GPC6: variants seen among roughly 807,000 people sequenced by gnomAD.
GPC6 encodes glypican 6, also known as glypican-6.
Under a neutral mutation model 55.2 loss-of-function variants are expected in GPC6, and 14 were observed. That is an observed-to-expected ratio of 0.25 (90% CI 0.17 to 0.40). The LOEUF is 0.40. Among genes scored for constraint, GPC6 ranks in the 10% least tolerant of loss-of-function variants. The pLI, the probability that GPC6 is intolerant of heterozygous loss-of-function variation, is 1.00. For missense variants in GPC6, 641 were observed against 708.5 expected (o/e 0.90, Z 1.08); for synonymous variants, 278 against 259.6 (o/e 1.07, Z -0.68).
chr13:93,764,053 T>C (rs1467226825), intron 2 of GPC6, among the ~76,000 whole-genome samples: 1 of 152,158 alleles, frequency 6.6e-6, no homozygotes, highest in East Asian at 1.9e-4. Context: ...GGTACCTCCC[T>C]GCCAATCACC....
chr13:94,085,622 A>G (rs1452969042), intron 4 of GPC6, among the ~76,000 whole-genome samples: 2 of 152,160 alleles, frequency 1.3e-5, no homozygotes, highest in Non-Finnish European at 2.9e-5. Context: ...AACTTCTTAC[A>G]AATACGATTA....
At chr13:93,721,635 G>A (rs1883458144) in intron 2 of GPC6, among the ~76,000 whole-genome samples, 1 of 151,774 alleles carries the variant, frequency 6.6e-6, no homozygotes, top group Admixed American at 6.6e-5. Flanking sequence ...ACAGTTGCAA[G>A]AAAGCCACAC....
At chr13:93,603,977 A>G (rs1412137783) in intron 2 of GPC6, among the ~76,000 whole-genome samples, 1 of 152,260 alleles carries the variant, frequency 6.6e-6, no homozygotes, top group African/African-American at 2.4e-5. Context: ...TGGCAGGAGA[A>G]TACAGACAAA....
chr13:93,313,075 T>G (rs1879128420), intron 1 of GPC6, among the ~76,000 whole-genome samples: 1 of 152,184 alleles, frequency 6.6e-6, no homozygotes, highest in Non-Finnish European at 1.5e-5. Flanking sequence ...TAACTCTATG[T>G]TTTGGAAGGC....
chr13:93,695,737 AAGCTTTTTCAAG>A (rs1383128160), intron 2 of GPC6, among the ~76,000 whole-genome samples: 2 of 152,088 alleles, frequency 1.3e-5, no homozygotes, highest in African/African-American at 4.8e-5. Context: ...TAATCAACTC[AAGCTTTTTCAAG>A]CTATGTCAAA....
intron 2 of GPC6, among the ~76,000 whole-genome samples, chr13:93,820,671 G>A (rs1363261396): frequency 6.9e-6 from 1 of 144,716 alleles, no homozygotes; most frequent in Admixed American, 6.9e-5. Flanking sequence ...TCAAAGTAGG[G>A]TTTTTTTTTT....
chr13:93,340,369 C>T (rs760365725), intron 1 of GPC6, among the ~76,000 whole-genome samples: 7 of 152,062 alleles, frequency 4.6e-5, no homozygotes, highest in African/African-American at 1.2e-4. Flanking sequence ...TTATGTGTTG[C>T]GCATTTTCAA....
In GPC6 at chr13:93,676,127, ATATATATATATATATATATATATAT is replaced by A. The variant is rs1489614695; in HGVS notation, c.319+130707_319+130731del. ...CTACTAAAAAAAAAAAAAAAAAAAA[ATATATATATATATATATATATATAT>A]ATATATATATATATATACATACACA... On this transcript the variant is annotated intron_variant, in intron 2 of 8. Transcript: ENST00000377047. Among the ~76,000 whole-genome samples, 63 of 10,672 alleles carry A rather than the reference ATATATATATATATATATATATATAT, an allele frequency of 5.9e-3. 1 individual carries two copies. The highest frequency in any genetic ancestry group is 0.014 in the Non-Finnish European group (52 of 3,668). 7.0% of individuals were successfully genotyped at this position (10,672 alleles called of 152,430 possible).
chr13:94,283,779 A>G (rs955598173), intron 4 of GPC6, among the ~76,000 whole-genome samples: 3 of 152,362 alleles, frequency 2.0e-5, no homozygotes, highest in African/African-American at 7.2e-5. Flanking sequence ...ACATACTGTA[A>G]CTGTCCTGGT....
intron 1 of GPC6, among the ~76,000 whole-genome samples, chr13:93,261,260 CT>C: frequency 6.6e-6 from 1 of 152,194 alleles, no homozygotes; most frequent in African/African-American, 2.4e-5. Context: ...GCAGACTGGT[CT>C]TTTATGGTAG....
At chr13:94,153,378 G>C (rs536640290) in intron 4 of GPC6, among the ~76,000 whole-genome samples, 3 of 152,064 alleles carry the variant, frequency 2.0e-5, no homozygotes, top group African/African-American at 4.8e-5. Context: ...ACAAATAAGA[G>C]AATTATGAAT....
chr13:94,204,982 C>T (rs1243923768), intron 4 of GPC6, among the ~76,000 whole-genome samples: 2 of 152,108 alleles, frequency 1.3e-5, no homozygotes, highest in Non-Finnish European at 2.9e-5. Context: ...AGTTTAAATT[C>T]AATATTCTTA....
chr13:93,771,556 G>A (rs140685317), intron 2 of GPC6, among the ~76,000 whole-genome samples: 163 of 152,206 alleles, frequency 1.1e-3, no homozygotes, highest in Non-Finnish European at 1.4e-3. Context: ...TTCACAACAA[G>A]CTGTGCAGTC....
At chr13:94,096,949 A>C (rs1885680595) in intron 4 of GPC6, among the ~76,000 whole-genome samples, 1 of 152,172 alleles carries the variant, frequency 6.6e-6, no homozygotes, top group Admixed American at 6.5e-5. Context: ...TAAAGCCATC[A>C]ACTCAGAAAA....
chr13:94,114,236 C>T (rs769382676), intron 4 of GPC6, among the ~76,000 whole-genome samples: 10 of 150,566 alleles, frequency 6.6e-5, no homozygotes, highest in Non-Finnish European at 1.3e-4. Flanking sequence ...ATTAAATCTA[C>T]ATGTGTAGTC....
intron 3 of GPC6, among the ~76,000 whole-genome samples, chr13:93,855,975 C>G (rs1001706573): frequency 6.6e-6 from 1 of 151,614 alleles, no homozygotes; most frequent in Non-Finnish European, 1.5e-5. Flanking sequence ...TTCTCCCAGC[C>G]TGTGGCTTCT....
chr13:93,513,475 C>A (rs997308427), intron 1 of GPC6, among the ~76,000 whole-genome samples: 1 of 152,140 alleles, frequency 6.6e-6, no homozygotes, highest in African/African-American at 2.4e-5. Flanking sequence ...TATTGTTTGA[C>A]TATGATTCTA....
chr13:94,046,911 G>T (rs1249821147), intron 4 of GPC6, among the ~76,000 whole-genome samples: 1 of 152,078 alleles, frequency 6.6e-6, no homozygotes, highest in African/African-American at 2.4e-5. Context: ...AGCTTGCAAT[G>T]AATACTAACT....
At chr13:93,952,016 G>A (rs1471717204) in intron 3 of GPC6, among the ~76,000 whole-genome samples, 1 of 152,096 alleles carries the variant, frequency 6.6e-6, no homozygotes, top group Non-Finnish European at 1.5e-5. Flanking sequence ...TCTTAGCACA[G>A]CCTACAAAGT....
Sources: gnomAD v4.1 joint callset for allele counts (sites outside exome capture counted in the v4.1 genomes callset) on GRCh38, gnomAD v4.1.1 for gene constraint, MANE v1.5 for transcripts, NCBI Gene and HGNC (gene_info 2026-07-23, HGNC 2026-07-21) for gene names.